Variants in SLC24A2 observed in about 807,000 individuals in gnomAD.
SLC24A2 encodes sodium/potassium/calcium exchanger 2.
A neutral mutation model predicts 62.0 loss-of-function variants in SLC24A2; 36 were observed. That is an observed-to-expected ratio of 0.58 (90% CI 0.44 to 0.77). The LOEUF (loss-of-function observed/expected upper bound fraction) is 0.77. Ranked by LOEUF, SLC24A2 falls within the 30% of genes least tolerant of loss-of-function variation. The pLI, the probability that SLC24A2 is intolerant of heterozygous loss-of-function variation, is 0.00. For synonymous variants in SLC24A2, 358 were observed against 294.0 expected (o/e 1.22, Z -2.23); for missense variants, 846 against 817.9 (o/e 1.03, Z -0.42).
the SLC24A2 span, among the ~76,000 whole-genome samples, chr9:19,807,266 A>G: frequency 1.6e-4 from 25 of 152,346 alleles, no homozygotes; most frequent in South Asian, 5.2e-3. Flanking sequence ...AAGGAACAAA[A>G]GGAAGGTGAT....
intron 2 of SLC24A2, among the ~76,000 whole-genome samples, chr9:19,661,932 T>C (rs566076183): frequency 7.2e-5 from 11 of 152,298 alleles, no homozygotes; most frequent in Middle Eastern, 3.4e-3. Flanking sequence ...ACCACCTAAA[T>C]AGACATTGCA....
the SLC24A2 span, among the ~76,000 whole-genome samples, chr9:19,974,530 C>T: frequency 1.7e-3 from 262 of 152,282 alleles, 5 homozygotes; most frequent in South Asian, 0.026. Context: ...GCATAACCTA[C>T]GCTTTAGAAC....
chr9:19,577,069 AGAGTCTCAG>A (rs1174499762), intron 5 of SLC24A2, 47 bp from the exon 6 acceptor site: 14 of 1,505,296 alleles, frequency 9.3e-6, no homozygotes, highest in Admixed American at 1.7e-5. Flanking sequence ...GAGAAAGAAG[AGAGTCTCAG>A]GGCCAAGCAG....
intron 7 of SLC24A2, among the ~76,000 whole-genome samples, chr9:19,559,193 G>GA (rs572114693): frequency 6.6e-6 from 1 of 152,064 alleles, no homozygotes; most frequent in Non-Finnish European, 1.5e-5. Context: ...ACATGTAGGA[G>GA]AAAAAAAGCT....
At chr9:19,688,067 A>C (rs1156518213) in intron 2 of SLC24A2, among the ~76,000 whole-genome samples, 1 of 152,230 alleles carries the variant, frequency 6.6e-6, no homozygotes, top group South Asian at 2.1e-4. Flanking sequence ...CCTCTCAGTG[A>C]TGGGTGAAAT....
At chr9:20,036,230 G>A in the SLC24A2 span, among the ~76,000 whole-genome samples, 2 of 152,078 alleles carry the variant, frequency 1.3e-5, no homozygotes, top group Non-Finnish European at 2.9e-5. Flanking sequence ...ATATATTTAT[G>A]AGGCACAAAG....
the SLC24A2 span, among the ~76,000 whole-genome samples, chr9:20,081,590 T>C: frequency 6.6e-6 from 1 of 152,016 alleles, no homozygotes; most frequent in Non-Finnish European, 1.5e-5. Flanking sequence ...GTAACAAACC[T>C]GCACGTTGTG....
At position 19,510,457 on chromosome 9, in the gene SLC24A2, AAAAGTT is replaced by A. The variant is rs1832675968; in HGVS notation, c.*5690_*5695del. 4 of 150,960 alleles carry A rather than the reference AAAAGTT, an allele frequency of 2.6e-5. No individual in the cohort carries two copies. In the South Asian group the frequency reaches 8.4e-4, roughly 32 times the overall value. The allele number at this position is 150,960 out of a possible 1,614,324, so 9.4% of individuals were successfully genotyped here. ...TGCCAAAAAAAAAAAAAAAAAAAAA[AAAAGTT>A]AAGTCATTAAGTGGATGGGTTTGGG... On this transcript the variant is annotated 3_prime_UTR_variant, in exon 11 of 11. Transcript: ENST00000341998.
chr9:19,972,201 AAG>A, the SLC24A2 span, among the ~76,000 whole-genome samples: 2 of 152,054 alleles, frequency 1.3e-5, no homozygotes, highest in Non-Finnish European at 2.9e-5. Context: ...AGGGAATAGA[AAG>A]AGAGAGAGAG....
intron 5 of SLC24A2, among the ~76,000 whole-genome samples, chr9:19,586,243 C>A (rs1263213228): frequency 1.3e-5 from 2 of 152,168 alleles, no homozygotes; most frequent in Non-Finnish European, 2.9e-5. Context: ...GACGCTCTCC[C>A]CAACTAGCCT....
the SLC24A2 span, among the ~76,000 whole-genome samples, chr9:20,080,176 C>G: frequency 6.6e-6 from 1 of 152,296 alleles, no homozygotes; most frequent in African/African-American, 2.4e-5. Flanking sequence ...CAAGTCAATC[C>G]TAAGCCAAAA....
the SLC24A2 span, among the ~76,000 whole-genome samples, chr9:19,903,647 A>G: frequency 1.3e-5 from 2 of 152,186 alleles, no homozygotes; most frequent in Non-Finnish European, 2.9e-5. Flanking sequence ...TTCCCTTCTT[A>G]AAGATTCCCT....
At chr9:20,274,330 G>C in the SLC24A2 span, among the ~76,000 whole-genome samples, 1 of 152,156 alleles carries the variant, frequency 6.6e-6, no homozygotes, top group African/African-American at 2.4e-5. Context: ...GGGAAGAGGT[G>C]AGGAGCCAAG....
At chr9:20,189,566 C>T in the SLC24A2 span, among the ~76,000 whole-genome samples, 3 of 152,162 alleles carry the variant, frequency 2.0e-5, no homozygotes, top group Non-Finnish European at 4.4e-5. Context: ...ATCCACCTGA[C>T]ATTATGATTC....
At chr9:19,887,457 A>G in the SLC24A2 span, among the ~76,000 whole-genome samples, 46 of 152,310 alleles carry the variant, frequency 3.0e-4, no homozygotes, top group African/African-American at 7.9e-4. Context: ...AAAATGCTCA[A>G]CATCACTAAT....
At chr9:19,662,754 C>T (rs1021140216) in intron 2 of SLC24A2, among the ~76,000 whole-genome samples, 5 of 152,178 alleles carry the variant, frequency 3.3e-5, no homozygotes, top group Non-Finnish European at 7.4e-5. Context: ...AGCACCCTGT[C>T]CCCTACCACC....
At chr9:19,971,951 A>C in the SLC24A2 span, among the ~76,000 whole-genome samples, 1 of 152,188 alleles carries the variant, frequency 6.6e-6, no homozygotes, top group Non-Finnish European at 1.5e-5. Context: ...ATATTAAGTG[A>C]CCTTTGTCCT....
chr9:19,901,637 T>G, the SLC24A2 span, among the ~76,000 whole-genome samples: 1 of 152,300 alleles, frequency 6.6e-6, no homozygotes, highest in East Asian at 1.9e-4. Context: ...ATACGACCCA[T>G]GTTCATTGTG....
intron 2 of SLC24A2, among the ~76,000 whole-genome samples, chr9:19,634,542 C>A (rs1818264699): frequency 6.6e-6 from 1 of 152,128 alleles, no homozygotes; most frequent in Non-Finnish European, 1.5e-5. Context: ...CCCACCTCGG[C>A]CTCCCAAAGT....
Sources: allele counts gnomAD v4.1 joint callset (sites outside exome capture counted in the v4.1 genomes callset), GRCh38; gene constraint gnomAD v4.1.1; transcripts MANE v1.5; gene names NCBI Gene and HGNC (gene_info 2026-07-23, HGNC 2026-07-21).